Variants in ATRNL1 observed in about 807,000 individuals in gnomAD.
ATRNL1 encodes the protein attractin-like protein 1.
In ATRNL1, 95 loss-of-function variants were observed where a neutral mutation model predicts 182.7. That is an observed-to-expected ratio of 0.52 (90% confidence interval 0.44 to 0.62). ATRNL1 has a LOEUF of 0.62. ATRNL1 is among the 20% of genes least tolerant of loss of function. The pLI, the probability that ATRNL1 is intolerant of heterozygous loss-of-function variation, is 0.00. For missense variants in ATRNL1, 1,471 were observed against 1,679.5 expected (o/e 0.88, Z 2.17); for synonymous variants, 576 against 568.3 (o/e 1.01, Z -0.19).
At chr10:115,762,488 C>T (rs1333966327) in intron 27 of ATRNL1, among the ~76,000 whole-genome samples, 1 of 151,996 alleles carries the variant, frequency 6.6e-6, no homozygotes, top group Admixed American at 6.6e-5. Context: ...TGAGAAGAAA[C>T]AACACAGTAA....
intron 28 of ATRNL1, among the ~76,000 whole-genome samples, chr10:115,863,651 C>T (rs79853820): frequency 3.9e-5 from 6 of 152,194 alleles, no homozygotes; most frequent in East Asian, 1.9e-4. Flanking sequence ...GATGTATGCA[C>T]GTGTGTTGGT....
chr10:115,810,945 G>A (rs1950033124), intron 27 of ATRNL1, among the ~76,000 whole-genome samples: 1 of 151,568 alleles, frequency 6.6e-6, no homozygotes, highest in Non-Finnish European at 1.5e-5. Context: ...AATAGCTTTT[G>A]GGCTTTATGG....
chr10:115,717,284 G>A (rs1555056565), intron 26 of ATRNL1, among the ~76,000 whole-genome samples: 3 of 152,064 alleles, frequency 2.0e-5, no homozygotes, highest in African/African-American at 7.2e-5. Flanking sequence ...AACACCATAG[G>A]AATGGACTGT....
chr10:115,528,073 T>TTCCTTCCTTCCTTC lies in ATRNL1; in HGVS notation c.3716+8749_3716+8750insTCCTTCCTTCCTTC, dbSNP rs1565133603. On this transcript the variant is annotated intron_variant, in intron 25 of 28. Transcript: ENST00000355044. ...TCCTTCCTTCCTTCCTTCCTTCCTT[T>TTCCTTCCTTCCTTC]CCCTTCTCATTTCTAAAAATAATCT... is the stretch of plus-strand genomic sequence containing the variant. 2.3e-3 allele frequency among the ~76,000 whole-genome samples: 55 copies of TTCCTTCCTTCCTTC among 24,166 alleles called. 9 individuals are homozygous for TTCCTTCCTTCCTTC. Among genetic ancestry groups the TTCCTTCCTTCCTTC allele is most frequent in the African/African-American group, 4.6e-3 (48 of 10,338 alleles). The allele number at this position is 24,166 out of a possible 152,430, so 15.9% of individuals were successfully genotyped here. A position where few individuals can be genotyped will look rare whatever the true frequency, so the allele number is the denominator to read the frequency against.
Position 115,216,613 on chromosome 10 carries a change from A to T in ATRNL1, c.1532+733A>T, listed in dbSNP as rs1264749. 8.6e-5 allele frequency among the ~76,000 whole-genome samples: 13 copies of T among 151,708 alleles called. No homozygotes were observed. In the East Asian group the frequency reaches 2.3e-3, roughly 27 times the overall value. ...TTATTAATTAATTTTTAATTTATTG[A>T]TTTTTTTGGTTATAGAAGTTTTAAA... On this transcript the variant is annotated intron_variant, in intron 9 of 28. Transcript: ENST00000355044.
chr10:115,920,542 G>T (rs1555118476), intron 28 of ATRNL1, among the ~76,000 whole-genome samples: 4 of 152,178 alleles, frequency 2.6e-5, no homozygotes. Context: ...TCTAAGAGAG[G>T]CACAAGAATC....
At chr10:115,467,928 T>C (rs1432935214) in intron 23 of ATRNL1, among the ~76,000 whole-genome samples, 2 of 150,736 alleles carry the variant, frequency 1.3e-5, no homozygotes, top group Non-Finnish European at 3.0e-5. Flanking sequence ...GTTGCATAAA[T>C]GTGCTGGAAA....
chr10:115,222,107 G>A (rs1849490990), intron 9 of ATRNL1, among the ~76,000 whole-genome samples: 1 of 152,006 alleles, frequency 6.6e-6, no homozygotes, highest in Non-Finnish European at 1.5e-5. Context: ...ATTAGGACAG[G>A]CCTGGATACT....
intron 19 of ATRNL1, among the ~76,000 whole-genome samples, chr10:115,389,558 A>ATGTG (rs1202634860): frequency 1.3e-5 from 1 of 75,036 alleles, no homozygotes; most frequent in South Asian, 5.4e-4. Flanking sequence ...ATATATATAT[A>ATGTG]TATATATATA....
chr10:115,320,079 G>A (rs146511452), intron 18 of ATRNL1, among the ~76,000 whole-genome samples: 152 of 152,024 alleles, frequency 1.0e-3, no homozygotes, highest in African/African-American at 3.6e-3. Flanking sequence ...CTCTTGCAAG[G>A]CAGGCCTGGT....
chr10:115,282,384 A>G (rs1019313276), intron 14 of ATRNL1, among the ~76,000 whole-genome samples: 8 of 150,960 alleles, frequency 5.3e-5, no homozygotes, highest in Non-Finnish European at 1.0e-4. Flanking sequence ...CATCAGGTAT[A>G]TCTCCCAATG....
chr10:115,444,080 T>G (rs543899045), intron 21 of ATRNL1, among the ~76,000 whole-genome samples: 1 of 152,268 alleles, frequency 6.6e-6, no homozygotes, highest in South Asian at 2.1e-4. Context: ...AAATATGAAT[T>G]ATAGCCATAA....
intron 28 of ATRNL1, among the ~76,000 whole-genome samples, chr10:115,919,843 C>T (rs540337739): frequency 2.0e-5 from 3 of 152,042 alleles, no homozygotes; most frequent in African/African-American, 4.8e-5. Flanking sequence ...TGTGTTCTCA[C>T]GTGGTGGAAA....
intron 26 of ATRNL1, among the ~76,000 whole-genome samples, chr10:115,577,740 A>G (rs1396996868): frequency 1.4e-5 from 2 of 148,012 alleles, no homozygotes; most frequent in Admixed American, 1.4e-4. Flanking sequence ...GATACCTTTA[A>G]TTTCTTTTTC....
chr10:115,642,739 C>T (rs1448779631), intron 26 of ATRNL1, among the ~76,000 whole-genome samples: 1 of 152,198 alleles, frequency 6.6e-6, no homozygotes, highest in African/African-American at 2.4e-5. Context: ...ACCACTGCGC[C>T]TGGCCAATTC....
intron 26 of ATRNL1, among the ~76,000 whole-genome samples, chr10:115,578,976 C>T (rs561389586): frequency 1.4e-4 from 22 of 151,728 alleles, no homozygotes; most frequent in African/African-American, 4.6e-4. Flanking sequence ...ATTTCCAAAG[C>T]ATTTGGTTTC....
intron 24 of ATRNL1, among the ~76,000 whole-genome samples, chr10:115,518,879 A>C (rs181625042): frequency 1.2e-4 from 18 of 151,850 alleles, no homozygotes; most frequent in Non-Finnish European, 2.4e-4. Context: ...AAACATTTGT[A>C]TATATATATG....
intron 26 of ATRNL1, among the ~76,000 whole-genome samples, chr10:115,678,257 C>G (rs1945931026): frequency 5.3e-5 from 8 of 152,034 alleles, no homozygotes; most frequent in Admixed American, 5.3e-4. Flanking sequence ...TATTAAGAAA[C>G]AGGTTTACAC....
intron 10 of ATRNL1, among the ~76,000 whole-genome samples, chr10:115,247,313 A>T (rs949409687): frequency 5.3e-5 from 8 of 152,108 alleles, no homozygotes; most frequent in African/African-American, 7.2e-5. Flanking sequence ...TCTCAATGAT[A>T]AAAAAAACCT....
Sources: gnomAD v4.1 joint callset for allele counts (sites outside exome capture counted in the v4.1 genomes callset) on GRCh38, gnomAD v4.1.1 for gene constraint, MANE v1.5 for transcripts, NCBI Gene and HGNC (gene_info 2026-07-23, HGNC 2026-07-21) for gene names.